Variants in SLC26A5 observed in about 807,000 individuals in gnomAD.
SLC26A5 encodes the protein solute carrier family 26 member 5, also known as prestin.
In SLC26A5, 51 loss-of-function variants were observed where a neutral mutation model predicts 81.0. The ratio of observed to expected loss-of-function variants is 0.63; its 90% confidence interval spans 0.50 to 0.80. The LOEUF is 0.80. SLC26A5 is among the 30% of genes least tolerant of loss of function. The probability of loss-of-function intolerance (pLI) is 0.00; values close to 1 mark genes in which losing one functional copy is unlikely to be tolerated. For synonymous variants in SLC26A5, 325 were observed against 332.8 expected, an observed-to-expected ratio of 0.98 and a Z score of 0.25; for missense variants, 771 against 905.8, an observed-to-expected ratio of 0.85 and a Z score of 1.91.
At position 103,434,565 on chromosome 7, in the gene SLC26A5, T is replaced by C. The variant is rs76722660; in HGVS notation, c.-54+8518A>G. On this transcript the variant is annotated intron_variant, in intron 2 of 19. Transcript: ENST00000306312. ...TCTCAGAAAACAAAGATTTTCTTACTGGATTGCTTCTGTCTCTCCTCTTTT... is the reference window on the plus strand; with the variant it reads ...TCTCAGAAAACAAAGATTTTCTTACCGGATTGCTTCTGTCTCTCCTCTTTT... 3.7e-3 allele frequency among the ~76,000 whole-genome samples: 558 copies of C among 152,320 alleles called. 2 individuals are homozygous for C. Among genetic ancestry groups the C allele is most frequent in the Non-Finnish European group, 3.4e-3 (234 of 68,034 alleles).
At chr7:103,373,306 T>C (rs1317182862), downstream of SLC26A5, among the ~76,000 whole-genome samples, 1 of 152,196 alleles carries the variant, frequency 6.6e-6, no homozygotes, top group Non-Finnish European at 1.5e-5. Flanking sequence ...GTAGATCAAC[T>C]AGATATTACG....
chr7:103,355,695 T>C, intron 19 of SLC26A5: 1 of 1,610,246 alleles, frequency 6.2e-7, no homozygotes, highest in Non-Finnish European at 8.5e-7. Flanking sequence ...TCTATGTAGG[T>C]ATTAAAGAAT....
At chr7:103,444,258 C>A (rs1827104984) in intron 1 of SLC26A5, among the ~76,000 whole-genome samples, 1 of 152,160 alleles carries the variant, frequency 6.6e-6, no homozygotes, top group South Asian at 2.1e-4. Flanking sequence ...AAAGGAAAAT[C>A]ATCATCTTAT....
intron 2 of SLC26A5, among the ~76,000 whole-genome samples, chr7:103,424,138 C>T (rs1404748637): frequency 2.0e-5 from 3 of 152,094 alleles, no homozygotes; most frequent in Non-Finnish European, 4.4e-5. Context: ...AGTTTCAATT[C>T]ATTCTAATAA....
In SLC26A5 at chr7:103,367,152, T is replaced by C. The variant is rs12536983; in HGVS notation, c.2041+9656A>G. Among the ~76,000 whole-genome samples the C allele has an allele frequency of 0.13, 19,501 of 152,212 alleles. 1,565 individuals are homozygous for C. The highest frequency in any genetic ancestry group is 0.39 in the East Asian group (1,995 of 5,178). ...GGTCCAAATTAAGTAATAAATGTGG[T>C]AGACTTTGAAAACACTAAACTGCCC... On this transcript the variant is annotated intron_variant, in intron 19 of 19. Transcript: ENST00000339444. This position sits in a 1 kb window ranked among gnomAD's most constrained non-coding sequence, Gnocchi z 6.1.
intron 14 of SLC26A5, among the ~76,000 whole-genome samples, chr7:103,385,279 C>T (rs1193534577): frequency 1.3e-5 from 2 of 152,126 alleles, no homozygotes; most frequent in African/African-American, 4.8e-5. Flanking sequence ...TCTCCTGCCT[C>T]AGCCTCCCCA....
chr7:103,396,594 T>C (rs545318768), intron 9 of SLC26A5, among the ~76,000 whole-genome samples: 1 of 152,308 alleles, frequency 6.6e-6, no homozygotes, highest in African/African-American at 2.4e-5. Flanking sequence ...AAATGCTGTA[T>C]GATTCCACTT....
chr7:103,371,695 A>T (rs963158421), downstream of SLC26A5, among the ~76,000 whole-genome samples: 39 of 127,080 alleles, frequency 3.1e-4, no homozygotes, highest in African/African-American at 1.1e-3. Flanking sequence ...ATGTGCAATA[A>T]TTTTTTTTTT....
At chr7:103,403,980 C>T (rs901284150) in intron 8 of SLC26A5, among the ~76,000 whole-genome samples, 2 of 151,984 alleles carry the variant, frequency 1.3e-5, no homozygotes, top group Admixed American at 6.6e-5. Context: ...GTCAGGAGTT[C>T]GAGACCAGCC....
rs1337695774 is a variant in SLC26A5, at chr7:103,405,333, G to A, written c.888+2518C>T. ...ATCTTCATGGATTTATCTACCTTTG[G>A]TCTTTGCTCTTGGTGACCTTCGGAT... On this transcript the variant is annotated intron_variant, in intron 8 of 19. Transcript: ENST00000306312. 3.3e-5 allele frequency among the ~76,000 whole-genome samples: 5 copies of A among 152,176 alleles called. No homozygotes were observed. The South Asian group carries it at 1.0e-3, about 32-fold the overall frequency.
intron 9 of SLC26A5, among the ~76,000 whole-genome samples, chr7:103,395,926 A>G (rs1320275147): frequency 1.3e-5 from 2 of 152,200 alleles, no homozygotes; most frequent in Admixed American, 1.3e-4. Context: ...ACCCATTACT[A>G]ATAAGTAGTT....
rs544406063 is a variant in SLC26A5 at position 103,361,063 on chromosome 7, G to A, written c.2042-8137C>T. Among the ~76,000 whole-genome samples, 67 of 150,686 alleles carry A rather than the reference G, an allele frequency of 4.4e-4. No individual in the cohort carries two copies. The South Asian group carries it at 5.1e-3, about 11-fold the overall frequency. ...CAGGAGGCGGAGATTGTAATGAGCC[G>A]AGATCGCACCACTGCACTCCAGTCT... On this transcript the variant is annotated intron_variant, in intron 19 of 19. Transcript: ENST00000339444.
intron 8 of SLC26A5, 101 bp from the exon 9 acceptor site, chr7:103,398,115 C>G (rs1823292924): frequency 3.3e-6 from 3 of 902,898 alleles, no homozygotes; most frequent in Non-Finnish European, 5.5e-6. Context: ...TCTATTCTCA[C>G]TTTTAACATT....
chr7:103,411,189 C>T (rs577020503), intron 6 of SLC26A5, among the ~76,000 whole-genome samples: 1 of 152,124 alleles, frequency 6.6e-6, no homozygotes, highest in East Asian at 1.9e-4. Context: ...CCAATCCTGC[C>T]GTGTCAAACT....
At chr7:103,377,563 A>C in intron 18 of SLC26A5, 36 bp downstream of exon 18, 74 of 1,558,816 alleles carry the variant, frequency 4.7e-5, no homozygotes, top group Non-Finnish European at 6.1e-5. Flanking sequence ...CACCAGGCAT[A>C]GAGGTATTAA....
chr7:103,387,067 TATAG>T (rs1822249949), intron 14 of SLC26A5, among the ~76,000 whole-genome samples: 2 of 152,346 alleles, frequency 1.3e-5, no homozygotes, highest in South Asian at 4.1e-4. Context: ...GGCCAAAAGT[TATAG>T]ATATTTTAAA....
chr7:103,385,456 A>C (rs953349200), intron 14 of SLC26A5, among the ~76,000 whole-genome samples: 12 of 151,986 alleles, frequency 7.9e-5, no homozygotes, highest in Non-Finnish European at 1.5e-4. Flanking sequence ...GCTCTGAGGG[A>C]AAATGAGTGT....
At chr7:103,391,384 TG>T (rs1287221678) in intron 11 of SLC26A5, among the ~76,000 whole-genome samples, 4 of 152,256 alleles carry the variant, frequency 2.6e-5, no homozygotes, top group Non-Finnish European at 5.9e-5. Flanking sequence ...TGAAGTTTAC[TG>T]GTAGCCGAGT....
chr7:103,414,090 T>C (rs1690132544), intron 4 of SLC26A5, among the ~76,000 whole-genome samples: 1 of 152,104 alleles, frequency 6.6e-6, no homozygotes, highest in South Asian at 2.1e-4. Context: ...TATAAAGTAG[T>C]TTCACTGCTC....
Sources: allele counts gnomAD v4.1 joint callset (sites outside exome capture counted in the v4.1 genomes callset), GRCh38; gene constraint gnomAD v4.1.1; non-coding constraint Gnocchi (gnomAD v3.1); transcripts MANE v1.5; gene names NCBI Gene and HGNC (gene_info 2026-07-23, HGNC 2026-07-21).